CRTAM: variants seen among roughly 807,000 people sequenced by gnomAD.
CRTAM encodes cytotoxic and regulatory T-cell molecule.
Under a neutral mutation model 50.0 loss-of-function variants are expected in CRTAM, and 44 were observed. The observed-to-expected ratio is 0.88, with a 90% CI of 0.69 to 1.13. CRTAM has a LOEUF of 1.13. Ranked by LOEUF, CRTAM falls within the 50% of genes most tolerant of loss-of-function variation. The pLI is 0.00. For missense variants in CRTAM, 448 were observed against 457.5 expected (o/e 0.98, Z 0.19); for synonymous variants, 159 against 169.3 (o/e 0.94, Z 0.47).
Position 122,862,473 on chromosome 11 carries a change from A to G in CRTAM, c.662A>G (p.Glu221Gly), listed in dbSNP as rs1434219752. Residue 221 changes from glutamate (E) to glycine (G), a missense_variant, in exon 6 of 10, where the codon GAA becomes GGA. Transcript: ENST00000227348. ...PFRFEDLVTD[E>G]ETASDALERN... is the part of the protein sequence containing the mutation. The stretch of plus-strand genomic sequence containing the variant: ...TTTTCCCCTTTCCTAGTTACTGATG[A>G]AGAGACAGCTTCAGATGCTCTGGAG... The G allele has an allele frequency of 1.2e-6, 2 of 1,611,932 alleles. No homozygotes were observed. Among genetic ancestry groups the G allele is most frequent in the East Asian group, 2.2e-5 (1 of 44,872 alleles).
intron 9 of CRTAM, among the ~76,000 whole-genome samples, chr11:122,869,448 A>G (rs572451189): frequency 6.6e-6 from 1 of 152,358 alleles, no homozygotes; most frequent in African/African-American, 2.4e-5. Context: ...GGATGACTTC[A>G]TTGCAATTCC....
intron 2 of CRTAM, among the ~76,000 whole-genome samples, 166 bp downstream of exon 2, chr11:122,850,380 G>A (rs186440641): frequency 3.3e-5 from 5 of 152,242 alleles, no homozygotes; most frequent in East Asian, 1.9e-4. Context: ...TATTTTACAC[G>A]CAGTGGCTTG....
At chr11:122,839,157 C>T (rs1206588731) in intron 1 of CRTAM, among the ~76,000 whole-genome samples, 1 of 152,112 alleles carries the variant, frequency 6.6e-6, no homozygotes, top group Non-Finnish European at 1.5e-5. Flanking sequence ...TGGTCTCAAT[C>T]TCCTGACCTC....
At position 122,850,201 on chromosome 11, in the gene CRTAM, A is replaced by T. The variant is rs749309785; in HGVS notation, c.180A>T (p.Leu60Phe). Residue 60 changes from leucine to phenylalanine, a missense_variant, in exon 2 of 10, where the codon TTA becomes TTT. By Grantham distance (22) the Leu-to-Phe change is conservative (BLOSUM62 0). Transcript: ENST00000227348. The stretch of plus-strand genomic sequence containing the variant: ...CCCCCTCAGGGTTCACCATTTTTTT[A>T]AATGAGTATCCTGGTAAGTGAAAGA... Reference protein sequence around the residue: ...WLTPSGFTIFLNEYPALKNSK... With the variant: ...WLTPSGFTIFFNEYPALKNSK... 15 of 1,608,370 alleles carry T rather than the reference A, an allele frequency of 9.3e-6. No homozygotes were observed. The highest frequency in any genetic ancestry group is 4.4e-5 in the South Asian group (4 of 90,686).
chr11:122,868,034 C>T lies in CRTAM; in HGVS notation c.986C>T (p.Thr329Ile). ...GTAGAAAACGAAGTTTCAGAACACACACTAGAAAGTTACAGATCAAGGTCA... is the reference window on the plus strand; with the variant it reads ...GTAGAAAACGAAGTTTCAGAACACATACTAGAAAGTTACAGATCAAGGTCA... The part of the protein sequence containing the change: ...WKKENEVSEH[T>I]LESYRSRSNN... Residue 329 changes from threonine (T) to isoleucine (I), a missense_variant, in exon 9 of 10, where the codon ACA becomes ATA. Physicochemically the swap from Thr to Ile is moderately conservative, Grantham distance 89 (BLOSUM62 -1). Transcript: ENST00000227348. 6.2e-7 allele frequency: 1 copy of T among 1,612,090 alleles called. No homozygotes were observed. Among genetic ancestry groups the T allele is most frequent in the Non-Finnish European group, 8.5e-7 (1 of 1,178,696 alleles).
At chr11:122,850,264 T>G (rs1053775809) in intron 2 of CRTAM, 50 bp downstream of exon 2, 2 of 1,520,974 alleles carry the variant, frequency 1.3e-6, no homozygotes, top group African/African-American at 2.8e-5. Context: ...AACCTGAGGG[T>G]TTTTCCAGCC....
intron 5 of CRTAM, 77 bp from the exon 6 acceptor site, chr11:122,862,387 C>A (rs898555053): frequency 6.6e-6 from 6 of 909,126 alleles, no homozygotes; most frequent in Non-Finnish European, 9.3e-6. Context: ...AATATATTCT[C>A]CAATCTCTTT....
At chr11:122,858,143 G>A (rs1197557780) in intron 5 of CRTAM, among the ~76,000 whole-genome samples, 1 of 151,998 alleles carries the variant, frequency 6.6e-6, no homozygotes, top group African/African-American at 2.4e-5. Flanking sequence ...AAACTCCTAG[G>A]CTCAAGAAAT....
Position 122,855,768 on chromosome 11 carries a change from T to A in CRTAM, c.564T>A (p.Tyr188Ter). 6.2e-7 allele frequency: 1 copy of A among 1,614,002 alleles called. No homozygotes were observed. Among genetic ancestry groups the A allele is most frequent in the Non-Finnish European group, 8.5e-7 (1 of 1,179,848 alleles). Reference sequence around the variant, plus strand: ...CCAGCACTCTCATAATCCACACTTATGGCAAAAATTCAACGGTGGACTGCA... The same window carrying A: ...CCAGCACTCTCATAATCCACACTTAAGGCAAAAATTCAACGGTGGACTGCA... ...NTTSTLIIHT[Y>*]GKNSTVDCII... The change falls in exon 5 of 10, where the codon TAT becomes TAA. Residue 188 changes from tyrosine (Y) to a stop codon, truncating the protein, a stop_gained. Transcript: ENST00000227348. LOFTEE classifies it high-confidence loss of function.
At chr11:122,842,633 A>C (rs534660305) in intron 1 of CRTAM, among the ~76,000 whole-genome samples, 7 of 152,354 alleles carry the variant, frequency 4.6e-5, no homozygotes, top group African/African-American at 1.7e-4. Flanking sequence ...ATGATGAATT[A>C]GAGAGAAGAG....
In CRTAM at chr11:122,867,468, C is replaced by T; in HGVS notation, c.877C>T (p.Leu293=). The change falls in exon 8 of 10, where the codon CTG becomes TTG. Residue 293 remains leucine, a synonymous_variant. Transcript: ENST00000227348. ...GAAAAGTGGCATCCTGCTGCTCACG[C>T]TGGTGTCCTTCCTCATTTTCATACT... ...RKKSGILLLT[L]VSFLIFILFI... The T allele has an allele frequency of 6.2e-7, 1 of 1,614,034 alleles. No homozygotes were observed. The highest frequency in any genetic ancestry group is 8.5e-7 in the Non-Finnish European group (1 of 1,179,938).
At chr11:122,855,228 G>A (rs1861989767) in intron 4 of CRTAM, among the ~76,000 whole-genome samples, 1 of 152,208 alleles carries the variant, frequency 6.6e-6, no homozygotes. Flanking sequence ...ACAGGCGTGA[G>A]CCACTGCGCC....
rs183132869 is a variant in CRTAM, at chr11:122,863,603, C to A, written c.734-1033C>A. On this transcript the variant is annotated intron_variant, in intron 6 of 9. Transcript: ENST00000227348. ...ATTTAAAAGTAAATGTTTGGGATTT[C>A]TAAACACTGATAAATACAACATGTA... Among the ~76,000 whole-genome samples, 200 of 152,126 alleles carry A rather than the reference C, an allele frequency of 1.3e-3. 1 individual carries two copies. The highest frequency in any genetic ancestry group is 2.0e-3 in the Non-Finnish European group (138 of 67,990).
At chr11:122,870,553 A>G (rs894520041) in intron 9 of CRTAM, among the ~76,000 whole-genome samples, 1 of 152,144 alleles carries the variant, frequency 6.6e-6, no homozygotes, top group Admixed American at 6.5e-5. Context: ...GTTGTTTTGG[A>G]CATATTAAAA....
chr11:122,841,954 G>C (rs984511061), intron 1 of CRTAM, among the ~76,000 whole-genome samples: 1 of 152,204 alleles, frequency 6.6e-6, no homozygotes, highest in African/African-American at 2.4e-5. Flanking sequence ...GACAAAAGTT[G>C]TGTAATTTGA....
intron 5 of CRTAM, 163 bp from the exon 6 acceptor site, chr11:122,862,301 T>G: frequency 1.6e-6 from 1 of 611,592 alleles, no homozygotes; most frequent in South Asian, 2.0e-5. Flanking sequence ...GGATACAGAT[T>G]CAAAAACCAG....
chr11:122,860,174 A>C (rs1862053559), intron 5 of CRTAM, among the ~76,000 whole-genome samples: 2 of 152,038 alleles, frequency 1.3e-5, no homozygotes, highest in South Asian at 4.1e-4. Flanking sequence ...CAGTCTCCTG[A>C]GTAGCTGGGA....
intron 4 of CRTAM, 95 bp downstream of exon 4, chr11:122,854,181 A>G (rs1274843977): frequency 1.7e-6 from 2 of 1,203,056 alleles, no homozygotes; most frequent in East Asian, 2.4e-5. Context: ...AGACAATGCC[A>G]GAAGACATCA....
chr11:122,866,294 T>C (rs1190631588), intron 7 of CRTAM, among the ~76,000 whole-genome samples: 2 of 152,176 alleles, frequency 1.3e-5, no homozygotes, highest in East Asian at 3.8e-4. Context: ...TCAAGGCCAA[T>C]ATCTTCACTG....
Sources: gnomAD v4.1 joint callset for allele counts (sites outside exome capture counted in the v4.1 genomes callset) on GRCh38, gnomAD v4.1.1 for gene constraint, MANE v1.5 for transcripts, NCBI Gene and HGNC (gene_info 2026-07-23, HGNC 2026-07-21) for gene names.